Variants in EYS observed in about 807,000 individuals in gnomAD.
The protein encoded by EYS is EGF-like photoreceptor maintenance factor.
Under a neutral mutation model 282.1 loss-of-function variants are expected in EYS, and 250 were observed. The observed-to-expected ratio is 0.89, with a 90% CI of 0.80 to 0.98. EYS has a LOEUF of 0.98. Ranked by LOEUF, EYS falls within the 50% of genes least tolerant of loss-of-function variation. The pLI, the probability that EYS is intolerant of heterozygous loss-of-function variation, is 0.00. For synonymous variants in EYS, 1,355 were observed against 1,282.9 expected (o/e 1.06, Z -1.20); for missense variants, 4,016 against 3,709.0 (o/e 1.08, Z -2.15).
intron 22 of EYS, among the ~76,000 whole-genome samples, chr6:64,789,595 A>G (rs939988457): frequency 1.3e-5 from 2 of 152,142 alleles, no homozygotes; most frequent in African/African-American, 4.8e-5. Context: ...ATTCTGTGTT[A>G]GACAATATGT....
intron 22 of EYS, among the ~76,000 whole-genome samples, chr6:64,707,452 G>A (rs1411156881): frequency 2.0e-5 from 3 of 151,932 alleles, no homozygotes; most frequent in South Asian, 2.1e-4. Context: ...GGCGGGTCAC[G>A]AGGTCAGGAG....
chr6:64,506,393 A>G (rs1045611057), intron 26 of EYS, among the ~76,000 whole-genome samples: 3 of 152,242 alleles, frequency 2.0e-5, no homozygotes, highest in African/African-American at 7.2e-5. Flanking sequence ...TGATAGCTTA[A>G]TGATAACACT....
chr6:65,641,827 T>C (rs912173163), intron 1 of EYS, among the ~76,000 whole-genome samples: 2 of 152,222 alleles, frequency 1.3e-5, no homozygotes, highest in African/African-American at 4.8e-5. Context: ...CCTTAACTTT[T>C]GTCTTTGACT....
intron 19 of EYS, among the ~76,000 whole-genome samples, chr6:64,870,196 T>C (rs1021691989): frequency 1.3e-5 from 2 of 151,578 alleles, no homozygotes; most frequent in African/African-American, 2.4e-5. Flanking sequence ...CCAAAGAGAA[T>C]TGAAAGCCTG....
chr6:65,619,549 T>A (rs1766381873), intron 2 of EYS, among the ~76,000 whole-genome samples: 1 of 152,198 alleles, frequency 6.6e-6, no homozygotes, highest in African/African-American at 2.4e-5. Context: ...CTTTATTTCC[T>A]TCCACTGCCT....
chr6:65,038,231 T>C (rs1162708197), intron 13 of EYS, among the ~76,000 whole-genome samples: 2 of 151,656 alleles, frequency 1.3e-5, no homozygotes, highest in African/African-American at 4.8e-5. Context: ...TTTAAAGATA[T>C]AATACATTTT....
chr6:65,269,433 A>G (rs904682551), intron 12 of EYS, among the ~76,000 whole-genome samples: 1 of 152,140 alleles, frequency 6.6e-6, no homozygotes, highest in African/African-American at 2.4e-5. Context: ...ATTTCCTGAA[A>G]CAAGCAGTAA....
chr6:64,526,149 C>T (rs771684723), intron 26 of EYS, among the ~76,000 whole-genome samples: 1 of 151,538 alleles, frequency 6.6e-6, no homozygotes, highest in Non-Finnish European at 1.5e-5. Flanking sequence ...TTATAGAAAT[C>T]GAGAACAGAA....
intron 1 of EYS, among the ~76,000 whole-genome samples, chr6:65,650,655 G>T (rs528167039): frequency 2.0e-5 from 3 of 152,244 alleles, no homozygotes; most frequent in African/African-American, 7.2e-5. Context: ...GACAATTTTT[G>T]TTGAAGTTCA....
intron 26 of EYS, among the ~76,000 whole-genome samples, chr6:64,530,085 A>G (rs1260214415): frequency 2.0e-5 from 3 of 152,120 alleles, no homozygotes. Context: ...ACTAAATTCT[A>G]GTATTTATTT....
chr6:64,898,955 A>G (rs945582119), intron 18 of EYS, among the ~76,000 whole-genome samples: 41 of 152,160 alleles, frequency 2.7e-4, no homozygotes, highest in African/African-American at 9.2e-4. Flanking sequence ...AGATTAATAA[A>G]GCAAGTACTT....
chr6:65,508,206 G>A (rs1015492516), intron 2 of EYS, among the ~76,000 whole-genome samples: 1 of 152,132 alleles, frequency 6.6e-6, no homozygotes, highest in African/African-American at 2.4e-5. Context: ...CATCTACAGA[G>A]AATGTCTATG....
At position 65,038,134 on chromosome 6, in the gene EYS, G is replaced by A. The variant is rs1189837516; in HGVS notation, c.2137+19480C>T. ...AAAACAATTTATCATCCTGTTCTTA[G>A]CTAAAATGTACACATAAGTGCATAA... On this transcript the variant is annotated intron_variant, in intron 13 of 42. Coordinates refer to ENST00000503581, the MANE Select transcript of EYS (RefSeq NM_001142800.2). Among the ~76,000 whole-genome samples the A allele has an allele frequency of 2.0e-5, 3 of 151,426 alleles. No homozygotes were observed. The East Asian group carries it at 5.8e-4, about 29-fold the overall frequency.
intron 12 of EYS, among the ~76,000 whole-genome samples, chr6:65,182,366 ATTT>A (rs926569422): frequency 6.6e-6 from 1 of 151,476 alleles, no homozygotes; most frequent in African/African-American, 2.4e-5. Flanking sequence ...TTCCAGGCCA[ATTT>A]TAAAGCTTTT....
chr6:64,011,590 G>GT (rs536269930), intron 33 of EYS, among the ~76,000 whole-genome samples: 1,562 of 135,846 alleles, frequency 0.011, 19 homozygotes, highest in African/African-American at 0.031. Flanking sequence ...AAAGTAGTTT[G>GT]TTTTTTTTTT....
At chr6:65,492,805 T>C (rs1229815560) in intron 4 of EYS, among the ~76,000 whole-genome samples, 1 of 152,240 alleles carries the variant, frequency 6.6e-6, no homozygotes, top group South Asian at 2.1e-4. Flanking sequence ...TTAACTTCTA[T>C]AATAATCTTG....
At chr6:65,158,300 A>G (rs959777370) in intron 12 of EYS, among the ~76,000 whole-genome samples, 12 of 150,892 alleles carry the variant, frequency 8.0e-5, no homozygotes, top group African/African-American at 2.9e-4. Flanking sequence ...ACCAGGAGCT[A>G]TTGCCTGAAC....
intron 29 of EYS, among the ~76,000 whole-genome samples, chr6:64,336,617 C>A (rs1770859148): frequency 1.3e-5 from 2 of 152,046 alleles, no homozygotes; most frequent in Non-Finnish European, 2.9e-5. Context: ...TACCTTAGAA[C>A]AAATGGACTT....
intron 1 of EYS, among the ~76,000 whole-genome samples, chr6:65,695,635 A>AT (rs71815460): frequency 1.6e-4 from 19 of 122,418 alleles, no homozygotes; most frequent in South Asian, 6.6e-4. Context: ...AATCATTGTT[A>AT]TTTTTTTTTT....
Sources: allele counts gnomAD v4.1 joint callset (sites outside exome capture counted in the v4.1 genomes callset), GRCh38; gene constraint gnomAD v4.1.1; transcripts MANE v1.5; gene names NCBI Gene and HGNC (gene_info 2026-07-23, HGNC 2026-07-21).